The following GRIN2A variants were observed in gnomAD, a reference collection of about 807,000 sequenced individuals.
GRIN2A encodes glutamate ionotropic receptor NMDA type subunit 2A.
Under a neutral mutation model 113.4 loss-of-function variants are expected in GRIN2A, and 22 were observed. That is an observed-to-expected ratio of 0.19 (90% confidence interval 0.14 to 0.28). The LOEUF (loss-of-function observed/expected upper bound fraction) is 0.28. Among genes scored for constraint, GRIN2A ranks in the 10% least tolerant of loss-of-function variants. The pLI is 1.00. For missense variants in GRIN2A, 1,502 were observed against 1,887.0 expected (o/e 0.80, Z 3.78); for synonymous variants, 827 against 738.4 (o/e 1.12, Z -1.94).
chr16:10,091,237 G>C lies in GRIN2A; in HGVS notation c.414+88761C>G, dbSNP rs553574259. 1.3e-4 allele frequency among the ~76,000 whole-genome samples: 20 copies of C among 152,238 alleles called. 1 individual carries two copies. The South Asian group carries it at 3.7e-3, about 28-fold the overall frequency. On this transcript the variant is annotated intron_variant, in intron 2 of 12. Coordinates refer to ENST00000330684, the MANE Select transcript of GRIN2A (RefSeq NM_001134407.3). ...TTAAGATATACATCCACACAGACTG[G>C]CATATAGATATTCACAGGAGTATTA... is the stretch of plus-strand genomic sequence containing the variant.
intron 2 of GRIN2A, among the ~76,000 whole-genome samples, chr16:10,116,380 T>C (rs1025765108): frequency 1.6e-4 from 25 of 152,218 alleles, no homozygotes; most frequent in Non-Finnish European, 2.2e-4. Flanking sequence ...ACCTAGGTGA[T>C]AGGTTGAGAG....
At chr16:10,114,185 T>A (rs2048682074) in intron 2 of GRIN2A, among the ~76,000 whole-genome samples, 3 of 152,110 alleles carry the variant, frequency 2.0e-5, no homozygotes. Flanking sequence ...AGCAAGACCC[T>A]GCCTCTAAAG....
chr16:9,900,502 T>C (rs2043900191), intron 3 of GRIN2A, among the ~76,000 whole-genome samples: 1 of 152,136 alleles, frequency 6.6e-6, no homozygotes, highest in Non-Finnish European at 1.5e-5. Context: ...GGACAAAGCT[T>C]TTTTCTGTAA....
intron 2 of GRIN2A, among the ~76,000 whole-genome samples, chr16:9,978,115 C>G (rs3848324): frequency 0.5 from 76,356 of 151,928 alleles, 19,563 homozygotes; most frequent in Middle Eastern, 0.56. Context: ...TGTTATACTT[C>G]TAAACATGAC....
chr16:9,826,913 T>G (rs546420375), intron 9 of GRIN2A, among the ~76,000 whole-genome samples: 1 of 152,348 alleles, frequency 6.6e-6, no homozygotes, highest in South Asian at 2.1e-4. Context: ...CCTTTGAACA[T>G]AGCAACAAAA....
Position 9,754,029 on chromosome 16 carries a change from C to A in GRIN2A, c.*9120G>T, listed in dbSNP as rs563712145. ...TATGCAACAAGTCATATTATTAATA[C>A]GTGAGTGAAAAATGAATCATTTATC... On this transcript the variant is annotated 3_prime_UTR_variant, in exon 13 of 13. Coordinates refer to ENST00000330684, the MANE Select transcript of GRIN2A (RefSeq NM_001134407.3). 1 of 181,948 alleles carries A rather than the reference C, an allele frequency of 5.5e-6. No individual in the cohort carries two copies. Among genetic ancestry groups the A allele is most frequent in the Non-Finnish European group, 1.2e-5 (1 of 85,454 alleles). 11.3% of individuals were successfully genotyped at this position (181,948 alleles called of 1,614,324 possible). A position where few individuals can be genotyped will look rare whatever the true frequency, so the allele number is the denominator to read the frequency against.
At chr16:10,071,056 C>CATCCGATAGGCAGTATT (rs1341635437) in intron 2 of GRIN2A, among the ~76,000 whole-genome samples, 4 of 152,132 alleles carry the variant, frequency 2.6e-5, no homozygotes, top group Non-Finnish European at 5.9e-5. Flanking sequence ...CTCCTCATGC[C>CATCCGATAGGCAGTATT]ATCCGATAGG....
intron 3 of GRIN2A, among the ~76,000 whole-genome samples, chr16:9,933,026 A>G (rs953163316): frequency 6.6e-6 from 1 of 152,190 alleles, no homozygotes; most frequent in African/African-American, 2.4e-5. Context: ...TACCTTCACA[A>G]TTTTGGGAGT....
chr16:9,901,737 C>T (rs1448774482), intron 3 of GRIN2A, among the ~76,000 whole-genome samples: 10 of 152,132 alleles, frequency 6.6e-5, no homozygotes. Context: ...AGGCATGAGC[C>T]ACCACATCCC....
At chr16:10,119,959 A>G (rs918618582) in intron 2 of GRIN2A, among the ~76,000 whole-genome samples, 3 of 152,204 alleles carry the variant, frequency 2.0e-5, no homozygotes, top group African/African-American at 7.2e-5. Flanking sequence ...TATATGTACC[A>G]GATTTTCTTT....
At chr16:10,091,572 G>A (rs904405417) in intron 2 of GRIN2A, among the ~76,000 whole-genome samples, 11 of 152,134 alleles carry the variant, frequency 7.2e-5, no homozygotes, top group Non-Finnish European at 1.2e-4. Flanking sequence ...AGGATTGCTT[G>A]AGCCTCGGAG....
chr16:10,139,835 A>ATTT (rs33934795), intron 2 of GRIN2A, among the ~76,000 whole-genome samples: 3 of 111,120 alleles, frequency 2.7e-5, no homozygotes, highest in Admixed American at 2.0e-4. Flanking sequence ...GAGATAAATA[A>ATTT]TTTTTTTTTT....
intron 2 of GRIN2A, among the ~76,000 whole-genome samples, chr16:10,018,361 T>C (rs945813304): frequency 1.3e-5 from 2 of 152,096 alleles, no homozygotes; most frequent in African/African-American, 4.8e-5. Context: ...AAGGTGGGGT[T>C]TCTGTGCTAG....
intron 2 of GRIN2A, among the ~76,000 whole-genome samples, chr16:9,973,976 G>T (rs992244185): frequency 6.6e-6 from 1 of 152,054 alleles, no homozygotes; most frequent in Middle Eastern, 3.2e-3. Flanking sequence ...ATTCCTTCAG[G>T]AATTAATGAA....
intron 2 of GRIN2A, among the ~76,000 whole-genome samples, chr16:10,109,717 T>A (rs554081152): frequency 3.3e-5 from 5 of 151,964 alleles, no homozygotes; most frequent in Admixed American, 6.6e-5. Flanking sequence ...TAATTGAACA[T>A]TTTTAAATAA....
In GRIN2A at chr16:9,834,571, G is replaced by A. The variant is rs541299807; in HGVS notation, c.1652-341C>T. ...TAATTTTTGTATTTTTAGTTGAGACGGGGTTTCGCCATGTTGCCCAGGCTG... is the reference window on the plus strand; with the variant it reads ...TAATTTTTGTATTTTTAGTTGAGACAGGGTTTCGCCATGTTGCCCAGGCTG... On this transcript the variant is annotated intron_variant, in intron 7 of 12. Coordinates refer to ENST00000330684, the MANE Select transcript of GRIN2A (RefSeq NM_001134407.3). Among the ~76,000 whole-genome samples, 7 of 152,058 alleles carry A rather than the reference G, an allele frequency of 4.6e-5. 1 individual carries two copies. The East Asian group carries it at 7.8e-4, about 17-fold the overall frequency.
intron 2 of GRIN2A, among the ~76,000 whole-genome samples, chr16:10,076,315 C>T (rs1345404094): frequency 6.6e-6 from 1 of 152,174 alleles, no homozygotes; most frequent in Non-Finnish European, 1.5e-5. Flanking sequence ...GACCCAAAAA[C>T]CATCCACAGG....
At chr16:9,910,040 C>A (rs564643840) in intron 3 of GRIN2A, among the ~76,000 whole-genome samples, 2 of 152,306 alleles carry the variant, frequency 1.3e-5, no homozygotes, top group Admixed American at 1.3e-4. Flanking sequence ...AAACATATTT[C>A]ATTCCTTTAT....
At chr16:10,152,567 T>C (rs546214634) in intron 2 of GRIN2A, among the ~76,000 whole-genome samples, 2 of 152,290 alleles carry the variant, frequency 1.3e-5, no homozygotes, top group South Asian at 2.1e-4. Flanking sequence ...CCTCAGCTGA[T>C]TTTTCTCTAG....
Sources: allele counts gnomAD v4.1 joint callset (sites outside exome capture counted in the v4.1 genomes callset), GRCh38; gene constraint gnomAD v4.1.1; transcripts MANE v1.5; gene names NCBI Gene and HGNC (gene_info 2026-07-23, HGNC 2026-07-21).